The following PIK3CB variants were observed in gnomAD, a reference collection of about 807,000 sequenced individuals.
PIK3CB encodes phosphatidylinositol-4,5-bisphosphate 3-kinase catalytic subunit beta, also known as phosphatidylinositol 4,5-bisphosphate 3-kinase catalytic subunit beta isoform.
A neutral mutation model predicts 136.8 loss-of-function variants in PIK3CB; 39 were observed. The ratio of observed to expected loss-of-function variants is 0.29; its 90% CI spans 0.22 to 0.37. The LOEUF (loss-of-function observed/expected upper bound fraction) is 0.37, where lower values mean the gene tolerates loss of function less well. PIK3CB is among the 10% of genes least tolerant of loss of function. PIK3CB has a pLI of 1.00. For synonymous variants in PIK3CB, 428 were observed against 436.6 expected (o/e 0.98, Z 0.25); for missense variants, 868 against 1,275.4 (o/e 0.68, Z 4.87).
intron 1 of PIK3CB, among the ~76,000 whole-genome samples, chr3:138,828,983 G>C (rs916514752): frequency 1.5e-5 from 2 of 133,438 alleles, no homozygotes; most frequent in African/African-American, 6.0e-5. Flanking sequence ...TGTATTTTTA[G>C]TAGAGATGGG....
intron 2 of PIK3CB, chr3:138,778,684 C>A: frequency 4.8e-6 from 1 of 207,572 alleles, no homozygotes; most frequent in Non-Finnish European, 9.9e-6. Context: ...GTGATAACAA[C>A]TTTTCCACCT....
At position 138,759,370 on chromosome 3, in the gene PIK3CB, G is replaced by A. The variant is rs1331867056; in HGVS notation, c.-16-11C>T. ...CATAACCACGGGGCCCTAGAAATCA[G>A]TAATTAAAACATAGCAAAACAACCA... On this transcript the variant is annotated splice_polypyrimidine_tract_variant and intron_variant, in intron 2 of 23. Transcript: ENST00000674063. The A allele has an allele frequency of 6.3e-7, 1 of 1,577,004 alleles. No individual in the cohort carries two copies. The highest frequency in any genetic ancestry group is 1.1e-5 in the South Asian group (1 of 86,964).
At chr3:138,679,804 C>T (rs1317382187) in intron 19 of PIK3CB, among the ~76,000 whole-genome samples, 5 of 148,908 alleles carry the variant, frequency 3.4e-5, no homozygotes, top group African/African-American at 4.9e-5. Context: ...CACCATGTTG[C>T]CCAGGCTGGT....
At chr3:138,688,326 C>T (rs1184233181) in intron 16 of PIK3CB, among the ~76,000 whole-genome samples, 3 of 151,782 alleles carry the variant, frequency 2.0e-5, no homozygotes, top group East Asian at 3.9e-4. Flanking sequence ...ACAGTGAAAC[C>T]CTGTCTCTAC....
intron 19 of PIK3CB, among the ~76,000 whole-genome samples, chr3:138,669,633 C>G (rs553404015): frequency 6.6e-6 from 1 of 152,190 alleles, no homozygotes; most frequent in East Asian, 1.9e-4. Flanking sequence ...CAAAGGAGGT[C>G]AGGGAGTCCT....
At chr3:138,775,466 T>C (rs762058814) in intron 2 of PIK3CB, among the ~76,000 whole-genome samples, 3 of 152,104 alleles carry the variant, frequency 2.0e-5, no homozygotes, top group Non-Finnish European at 2.9e-5. Context: ...CTCTGAATGA[T>C]TGCAGTGTTT....
intron 1 of PIK3CB, among the ~76,000 whole-genome samples, chr3:138,812,840 C>T (rs189032462): frequency 9.9e-4 from 151 of 152,180 alleles, no homozygotes; most frequent in African/African-American, 3.6e-3. Context: ...GAATGAGAGA[C>T]TCTTGTAATG....
At chr3:138,723,688 C>CGCAA (rs2044780244) in intron 8 of PIK3CB, among the ~76,000 whole-genome samples, 1 of 152,222 alleles carries the variant, frequency 6.6e-6, no homozygotes, top group African/African-American at 2.4e-5. Context: ...ATGCAAAGGA[C>CGCAA]TTGCCACTGT....
At chr3:138,748,064 G>A (rs1460328404) in intron 4 of PIK3CB, among the ~76,000 whole-genome samples, 1 of 151,928 alleles carries the variant, frequency 6.6e-6, no homozygotes, top group Non-Finnish European at 1.5e-5. Context: ...GGAAGGGGCA[G>A]AGAGAAAAAG....
intron 2 of PIK3CB, among the ~76,000 whole-genome samples, chr3:138,766,392 T>G (rs1466870949): frequency 6.6e-6 from 1 of 152,224 alleles, no homozygotes; most frequent in African/African-American, 2.4e-5. Context: ...TTATGTACTT[T>G]TCTATATCTG....
At chr3:138,782,613 A>G (rs2045934235) in intron 2 of PIK3CB, among the ~76,000 whole-genome samples, 1 of 152,182 alleles carries the variant, frequency 6.6e-6, no homozygotes, top group Non-Finnish European at 1.5e-5. Flanking sequence ...AGAAGTGGCC[A>G]TGTACTAAGT....
chr3:138,657,449 A>G, intron 22 of PIK3CB: 1 of 407,850 alleles, frequency 2.5e-6, no homozygotes, highest in South Asian at 3.4e-5. Flanking sequence ...AACAGGTAAA[A>G]GGTAGTATAT....
chr3:138,718,651 T>C (rs2044662292), intron 8 of PIK3CB, among the ~76,000 whole-genome samples: 1 of 152,154 alleles, frequency 6.6e-6, no homozygotes, highest in East Asian at 1.9e-4. Flanking sequence ...AGTTTGAGGT[T>C]TTACATGTAA....
intron 19 of PIK3CB, among the ~76,000 whole-genome samples, chr3:138,681,263 C>T (rs148034055): frequency 1.5e-3 from 225 of 152,176 alleles, no homozygotes; most frequent in Non-Finnish European, 2.8e-3. Context: ...CCAGGCTGGT[C>T]TCAAACTCCT....
chr3:138,765,745 C>A (rs534188738), intron 2 of PIK3CB, among the ~76,000 whole-genome samples: 1 of 151,688 alleles, frequency 6.6e-6, no homozygotes, highest in South Asian at 2.1e-4. Context: ...TCCCATCTAC[C>A]TGGAAGGCTA....
intron 4 of PIK3CB, among the ~76,000 whole-genome samples, chr3:138,749,970 T>A (rs887049650): frequency 6.6e-6 from 1 of 152,136 alleles, no homozygotes; most frequent in Non-Finnish European, 1.5e-5. Context: ...ACCTCTGGGC[T>A]CAAGCCAAGT....
At chr3:138,827,343 G>A (rs567131465) in intron 1 of PIK3CB, among the ~76,000 whole-genome samples, 1 of 152,146 alleles carries the variant, frequency 6.6e-6, no homozygotes, top group Non-Finnish European at 1.5e-5. Context: ...CCTTAACGAA[G>A]ATTGAGAGAG....
At position 138,683,132 on chromosome 3, in the gene PIK3CB, C is replaced by T. The variant is rs543498853; in HGVS notation, c.2425+546G>A. Among the ~76,000 whole-genome samples the T allele has an allele frequency of 4.6e-5, 7 of 152,194 alleles. No homozygotes were observed. In the South Asian group the frequency reaches 1.5e-3, roughly 32 times the overall value. On this transcript the variant is annotated intron_variant, in intron 18 of 23. Transcript: ENST00000674063. Reference sequence around the variant, plus strand: ...CTTTGAAAGGCCGGGGTGGGTAAATCACTTGAGCTCAGGAGTTCAATACCA... The same window carrying T: ...CTTTGAAAGGCCGGGGTGGGTAAATTACTTGAGCTCAGGAGTTCAATACCA...
intron 2 of PIK3CB, among the ~76,000 whole-genome samples, chr3:138,767,310 T>G (rs945398523): frequency 6.6e-6 from 1 of 152,236 alleles, no homozygotes; most frequent in Admixed American, 6.5e-5. Flanking sequence ...GATGTTTGAT[T>G]ATCCATTACC....
Sources: allele counts gnomAD v4.1 joint callset (sites outside exome capture counted in the v4.1 genomes callset), GRCh38; gene constraint gnomAD v4.1.1; transcripts MANE v1.5; gene names NCBI Gene and HGNC (gene_info 2026-07-23, HGNC 2026-07-21).